Variants in ASTN2 observed in about 807,000 individuals in gnomAD.
ASTN2 encodes astrotactin-2.
ASTN2 carries 54 observed loss-of-function variants against 139.8 expected under a neutral mutation model. The ratio of observed to expected loss-of-function variants is 0.39; its 90% CI spans 0.31 to 0.48. ASTN2 has a LOEUF of 0.48. ASTN2 is among the 20% of genes least tolerant of loss of function. ASTN2 has a pLI of 0.95. For synonymous variants in ASTN2, 756 were observed against 719.5 expected, an observed-to-expected ratio of 1.05 and a Z score of -0.81; for missense variants, 1,565 against 1,725.1, an observed-to-expected ratio of 0.91 and a Z score of 1.64.
chr9:116,739,931 G>A (rs2132136280), intron 13 of ASTN2, among the ~76,000 whole-genome samples: 1 of 152,342 alleles, frequency 6.6e-6, no homozygotes, highest in African/African-American at 2.4e-5. Flanking sequence ...GAATGCTTCA[G>A]GATCTAAAGC....
intron 1 of ASTN2, among the ~76,000 whole-genome samples, chr9:117,408,403 T>C (rs769837624): frequency 6.6e-6 from 1 of 152,166 alleles, no homozygotes; most frequent in African/African-American, 2.4e-5. Context: ...TCTGTGATGC[T>C]GGGAGCCCAT....
chr9:116,945,077 G>A (rs961638963), intron 10 of ASTN2, among the ~76,000 whole-genome samples: 9 of 152,096 alleles, frequency 5.9e-5, no homozygotes, highest in African/African-American at 2.2e-4. Context: ...AAATGACTCC[G>A]TTCAAGGTCT....
chr9:116,602,413 T>C (rs1854950667), intron 19 of ASTN2, among the ~76,000 whole-genome samples: 1 of 152,048 alleles, frequency 6.6e-6, no homozygotes, highest in South Asian at 2.1e-4. Context: ...AAATATAGGA[T>C]ATAAGGAGAG....
intron 19 of ASTN2, among the ~76,000 whole-genome samples, chr9:116,532,571 T>C (rs1851403724): frequency 6.6e-6 from 1 of 152,226 alleles, no homozygotes; most frequent in Non-Finnish European, 1.5e-5. Context: ...GTTTCAGCTT[T>C]CTACATATGG....
intron 13 of ASTN2, among the ~76,000 whole-genome samples, chr9:116,743,694 G>T (rs1004855930): frequency 6.6e-6 from 1 of 152,120 alleles, no homozygotes; most frequent in Non-Finnish European, 1.5e-5. Flanking sequence ...GTAGAGACGG[G>T]GTTTCACCAT....
intron 17 of ASTN2, among the ~76,000 whole-genome samples, chr9:116,623,269 T>G (rs1856268134): frequency 6.6e-6 from 1 of 151,540 alleles, no homozygotes; most frequent in South Asian, 2.1e-4. Flanking sequence ...TCTCTGGACT[T>G]CATAAGTTTC....
intron 6 of ASTN2, among the ~76,000 whole-genome samples, chr9:117,033,266 G>A (rs920644397): frequency 2.6e-5 from 4 of 152,088 alleles, no homozygotes; most frequent in Non-Finnish European, 5.9e-5. Context: ...TAAAAATGTG[G>A]TCATCTATTC....
intron 16 of ASTN2, among the ~76,000 whole-genome samples, chr9:116,672,615 T>A (rs1859264566): frequency 2.0e-5 from 3 of 152,166 alleles, no homozygotes; most frequent in Non-Finnish European, 1.5e-5. Flanking sequence ...CCTTTTGGAT[T>A]TATTAAGTCA....
At chr9:116,962,236 G>T (rs1469838575) in intron 10 of ASTN2, among the ~76,000 whole-genome samples, 3 of 152,216 alleles carry the variant, frequency 2.0e-5, no homozygotes, top group African/African-American at 7.2e-5. Context: ...ATCCCAGCAT[G>T]GGCATCCTAT....
chr9:117,224,663 C>A (rs1052428168), intron 2 of ASTN2, among the ~76,000 whole-genome samples: 3 of 152,194 alleles, frequency 2.0e-5, no homozygotes, highest in Admixed American at 1.3e-4. Flanking sequence ...TGACATCTTG[C>A]CTGGTATTAC....
chr9:116,502,571 A>G (rs928855162), intron 19 of ASTN2, among the ~76,000 whole-genome samples: 1 of 151,590 alleles, frequency 6.6e-6, no homozygotes, highest in African/African-American at 2.4e-5. Context: ...ACAGATAGAA[A>G]TAGAGAGACA....
intron 19 of ASTN2, among the ~76,000 whole-genome samples, chr9:116,587,746 T>C (rs563253263): frequency 6.6e-6 from 1 of 152,258 alleles, no homozygotes; most frequent in East Asian, 1.9e-4. Flanking sequence ...ATCTGGAAAA[T>C]GAGTCCAAGG....
At chr9:117,109,942 T>C (rs1829208978) in intron 4 of ASTN2, among the ~76,000 whole-genome samples, 1 of 152,186 alleles carries the variant, frequency 6.6e-6, no homozygotes, top group Admixed American at 6.5e-5. Context: ...ATTTCCCTGC[T>C]CTTTTTAATT....
At position 117,013,467 on chromosome 9, in the gene ASTN2, AATAT is replaced by A. The variant is rs3038366; in HGVS notation, c.1424-5212_1424-5209del. ...AAAATGTCATGTTTCCTTATTTTTAAATATATATATATATATATATTTTTTTTTT... is the reference window on the plus strand; with the variant it reads ...AAAATGTCATGTTTCCTTATTTTTAAATATATATATATATATTTTTTTTTT... On this transcript the variant is annotated intron_variant, in intron 6 of 22. Coordinates refer to ENST00000313400, the MANE Select transcript of ASTN2 (RefSeq NM_001365068.1). 3.2e-3 allele frequency among the ~76,000 whole-genome samples: 374 copies of A among 115,530 alleles called. 4 individuals are homozygous for A. The highest frequency in any genetic ancestry group is 0.011 in the African/African-American group (349 of 32,856). The allele number at this position is 115,530 out of a possible 152,430, so 75.8% of individuals were successfully genotyped here.
intron 3 of ASTN2, among the ~76,000 whole-genome samples, chr9:117,142,019 G>A (rs545130383): frequency 1.8e-4 from 27 of 152,262 alleles, no homozygotes; most frequent in African/African-American, 5.1e-4. Context: ...AGAAGACAGC[G>A]TCCTGGATGG....
At chr9:116,729,159 C>T (rs1828711392) in intron 14 of ASTN2, 63 bp from the exon 15 acceptor site, 1 of 1,258,044 alleles carries the variant, frequency 7.9e-7, no homozygotes, top group Non-Finnish European at 1.1e-6. Flanking sequence ...CCACATTGTT[C>T]ACCCTGCAGC....
At chr9:117,369,222 C>A (rs1271266210) in intron 1 of ASTN2, among the ~76,000 whole-genome samples, 1 of 152,010 alleles carries the variant, frequency 6.6e-6, no homozygotes, top group Non-Finnish European at 1.5e-5. Flanking sequence ...GCTCTTGGAA[C>A]CTCTTGGGAA....
intron 10 of ASTN2, among the ~76,000 whole-genome samples, chr9:116,917,338 C>G (rs1834477215): frequency 6.6e-6 from 1 of 151,910 alleles, no homozygotes; most frequent in African/African-American, 2.4e-5. Flanking sequence ...TCAGCCCCAC[C>G]CCCCAACTAG....
chr9:116,699,351 C>A lies in ASTN2; in HGVS notation c.2806+26420G>T. On this transcript the variant is annotated intron_variant, in intron 16 of 22. Transcript: ENST00000313400. The surrounding 1 kb of genome is among the most constrained non-coding windows in gnomAD (Gnocchi z 4.2). Reference sequence around the variant, plus strand: ...CTTCACCCAGGGCTTAGGCCTCAATCTGGAGAATCGGCAGAATGAGCACCA... The same window carrying A: ...CTTCACCCAGGGCTTAGGCCTCAATATGGAGAATCGGCAGAATGAGCACCA... 1 of 1,614,208 alleles carries A rather than the reference C, an allele frequency of 6.2e-7. No individual in the cohort carries two copies. The highest frequency in any genetic ancestry group is 8.5e-7 in the Non-Finnish European group (1 of 1,180,036).
Sources: gnomAD v4.1 joint callset for allele counts (sites outside exome capture counted in the v4.1 genomes callset) on GRCh38, gnomAD v4.1.1 for gene constraint, Gnocchi (gnomAD v3.1) non-coding constraint, MANE v1.5 for transcripts, NCBI Gene and HGNC (gene_info 2026-07-23, HGNC 2026-07-21) for gene names.